The following KRIT1 variants were observed in gnomAD, a reference collection of about 807,000 sequenced individuals.
KRIT1 encodes KRIT1 ankyrin repeat containing, also known as krev interaction trapped protein 1.
Under a neutral mutation model 95.8 loss-of-function variants are expected in KRIT1, and 45 were observed. That is an observed-to-expected ratio of 0.47 (90% CI 0.37 to 0.60). The LOEUF (loss-of-function observed/expected upper bound fraction) is 0.60, where lower values mean the gene tolerates loss of function less well. Among genes scored for constraint, KRIT1 ranks in the 20% least tolerant of loss-of-function variants. KRIT1 has a pLI of 0.00. For synonymous variants in KRIT1, 282 were observed against 278.8 expected, an observed-to-expected ratio of 1.01 and a Z score of -0.11; for missense variants, 788 against 877.5, an observed-to-expected ratio of 0.90 and a Z score of 1.29.
intron 9 of KRIT1, 90 bp downstream of exon 9, chr7:92,234,718 C>A (rs1798031329): frequency 1.9e-6 from 2 of 1,064,724 alleles, no homozygotes; most frequent in South Asian, 2.5e-5. Flanking sequence ...GACTACAATG[C>A]ATACAAATTG....
At chr7:92,226,456 A>T in intron 11 of KRIT1, 70 bp downstream of exon 11, 2 of 1,150,698 alleles carry the variant, frequency 1.7e-6, no homozygotes, top group Non-Finnish European at 2.6e-6. Context: ...CATACAATTT[A>T]ACATTTTAGT....
rs1486581627 is a variant in KRIT1 at position 92,234,678 on chromosome 7, G to T, written c.846-86C>A. Reference sequence around the variant, plus strand: ...AATGTGACACATCTATGAAAGCTCTGTATCACTAAGAAGCTGTAAACTCAA... The same window carrying T: ...AATGTGACACATCTATGAAAGCTCTTTATCACTAAGAAGCTGTAAACTCAA... On this transcript the variant is annotated intron_variant, in intron 9 of 18. Transcript: ENST00000394505. The T allele has an allele frequency of 5.6e-6, 7 of 1,253,518 alleles. No individual in the cohort carries two copies. The East Asian group carries it at 1.6e-4, about 29-fold the overall frequency. 77.6% of individuals were successfully genotyped at this position (1,253,518 alleles called of 1,614,324 possible).
At position 92,199,526 on chromosome 7, in the gene KRIT1, A is replaced by T. The variant is rs551053354; in HGVS notation, c.*1210T>A. 19 of 152,232 alleles carry T rather than the reference A, an allele frequency of 1.2e-4. No individual in the cohort carries two copies. The highest frequency in any genetic ancestry group is 4.6e-4 in the African/African-American group (19 of 41,450). The allele number at this position is 152,232 out of a possible 1,614,324, so 9.4% of individuals were successfully genotyped here. On this transcript the variant is annotated 3_prime_UTR_variant, in exon 19 of 19. Transcript: ENST00000394505. Reference sequence around the variant, plus strand: ...TATCACTACTTTCCTAAATGAAACAATAAGATATCTGGTGATTTACTTCCT... The same window carrying T: ...TATCACTACTTTCCTAAATGAAACATTAAGATATCTGGTGATTTACTTCCT...
Position 92,201,363 on chromosome 7 carries a change from AAGTATC to A in KRIT1, c.2080_2085del (p.Asp694_Thr695del), listed in dbSNP as rs764839013. The A allele has an allele frequency of 3.6e-5, 58 of 1,600,922 alleles. No individual in the cohort carries two copies. The highest frequency in any genetic ancestry group is 4.9e-5 in the Non-Finnish European group (57 of 1,168,252). ...TTTTCCATGCTATGGATCTGAAAACAAGTATCAGTATCTCCCAATTGCCACATAAAA... is the reference window on the plus strand; with the variant it reads ...TTTTCCATGCTATGGATCTGAAAACAAGTATCTCCCAATTGCCACATAAAA... On this transcript the variant is annotated inframe_deletion, in exon 18 of 19. Transcript: ENST00000394505.
intron 12 of KRIT1, among the ~76,000 whole-genome samples, chr7:92,224,601 A>G (rs1220774614): frequency 6.6e-6 from 1 of 152,188 alleles, no homozygotes; most frequent in Non-Finnish European, 1.5e-5. Flanking sequence ...CTCTAAATAA[A>G]ATTATTATTT....
chr7:92,233,596 G>A (rs1032116540), intron 10 of KRIT1, among the ~76,000 whole-genome samples: 10 of 151,850 alleles, frequency 6.6e-5, no homozygotes, highest in South Asian at 2.1e-4. Context: ...TAGTGGAGAC[G>A]GGGTTTCACC....
chr7:92,228,385 G>C (rs1041403697), intron 10 of KRIT1, among the ~76,000 whole-genome samples: 1 of 152,178 alleles, frequency 6.6e-6, no homozygotes, highest in African/African-American at 2.4e-5. Flanking sequence ...AGGAGGAATG[G>C]AAACTTGGTT....
chr7:92,234,804 G>C lies in KRIT1; in HGVS notation c.845+4C>G. The C allele has an allele frequency of 6.6e-7, 1 of 1,515,898 alleles. No homozygotes were observed. The highest frequency in any genetic ancestry group is 9.2e-7 in the Non-Finnish European group (1 of 1,090,444). The allele number at this position is 1,515,898 out of a possible 1,614,324, so 93.9% of individuals were successfully genotyped here. ...AGCAATGTGGAGTAAAACCGAAACA[G>C]TACTTGTCTTCTGTGACACTGCTCA... On this transcript the variant is annotated splice_donor_region_variant and intron_variant, in intron 9 of 18. Transcript: ENST00000394505.
intron 11 of KRIT1, among the ~76,000 whole-genome samples, 156 bp from the exon 12 acceptor site, chr7:92,225,983 T>C (rs1387230163): frequency 6.6e-6 from 1 of 152,230 alleles, no homozygotes; most frequent in Non-Finnish European, 1.5e-5. Flanking sequence ...ATGTTTAGAA[T>C]AAACAAGAGT....
intron 15 of KRIT1, 145 bp downstream of exon 15, chr7:92,214,463 TATA>T (rs1317151387): frequency 3.2e-6 from 2 of 632,308 alleles, no homozygotes; most frequent in African/African-American, 1.8e-5. Flanking sequence ...AATGCTTTAG[TATA>T]ATATTTTTTC....
intron 10 of KRIT1, among the ~76,000 whole-genome samples, chr7:92,230,098 C>T (rs182152999): frequency 1.3e-5 from 2 of 152,192 alleles, no homozygotes; most frequent in Non-Finnish European, 2.9e-5. Context: ...TACAAACATA[C>T]ATTTTGTATG....
intron 5 of KRIT1, 38 bp downstream of exon 5, chr7:92,240,955 T>A (rs1585021668): frequency 6.8e-7 from 1 of 1,464,238 alleles, no homozygotes; most frequent in Non-Finnish European, 9.6e-7. Context: ...TCCACAAGTA[T>A]TTTAAACAAT....
chr7:92,231,796 CAG>C (rs1797352475), intron 10 of KRIT1, among the ~76,000 whole-genome samples: 1 of 152,114 alleles, frequency 6.6e-6, no homozygotes, highest in Non-Finnish European at 1.5e-5. Flanking sequence ...ATCAAGCTGA[CAG>C]AAAATTAATT....
At chr7:92,206,847 A>C (rs1791600016) in intron 17 of KRIT1, 1 of 151,956 alleles carries the variant, frequency 6.6e-6, no homozygotes, top group South Asian at 2.1e-4. Flanking sequence ...TCAATAAATG[A>C]AATAAAAAGC....
intron 14 of KRIT1, among the ~76,000 whole-genome samples, chr7:92,219,300 C>A (rs1794654385): frequency 6.6e-6 from 1 of 152,196 alleles, no homozygotes; most frequent in African/African-American, 2.4e-5. Context: ...CCACACCCAG[C>A]CATTTTAACT....
chr7:92,205,728 C>T (rs891804523), intron 17 of KRIT1: 4 of 152,162 alleles, frequency 2.6e-5, no homozygotes, highest in African/African-American at 9.7e-5. Context: ...GAGCAAGACT[C>T]TGTCTCAAAA....
intron 17 of KRIT1, among the ~76,000 whole-genome samples, chr7:92,207,680 C>T (rs1262791468): frequency 2.0e-5 from 3 of 152,008 alleles, no homozygotes. Context: ...AACATGGCTA[C>T]ACCTCGTCTC....
At chr7:92,214,067 A>G in intron 15 of KRIT1, 88 bp from the exon 16 acceptor site, 3 of 830,782 alleles carry the variant, frequency 3.6e-6, no homozygotes, top group South Asian at 1.4e-5. Context: ...GGCTTTCAGT[A>G]ACGTAATTTT....
intron 17 of KRIT1, among the ~76,000 whole-genome samples, chr7:92,205,049 A>T (rs1329438788): frequency 2.6e-5 from 4 of 152,206 alleles, no homozygotes; most frequent in African/African-American, 9.7e-5. Flanking sequence ...ATAAAGACCT[A>T]TCAAGACACA....
Sources: gnomAD v4.1 joint callset for allele counts (sites outside exome capture counted in the v4.1 genomes callset) on GRCh38, gnomAD v4.1.1 for gene constraint, MANE v1.5 for transcripts, NCBI Gene and HGNC (gene_info 2026-07-23, HGNC 2026-07-21) for gene names.